Variants in CNTN5 observed in about 807,000 individuals in gnomAD.
CNTN5 encodes contactin-5.
Under a neutral mutation model 129.1 loss-of-function variants are expected in CNTN5, and 77 were observed. That is an observed-to-expected ratio of 0.60 (90% CI 0.50 to 0.72). The LOEUF (loss-of-function observed/expected upper bound fraction) is 0.72, where lower values mean the gene tolerates loss of function less well. Ranked by LOEUF, CNTN5 falls within the 30% of genes least tolerant of loss-of-function variation. CNTN5 has a pLI of 0.00. For synonymous variants in CNTN5, 509 were observed against 465.6 expected (o/e 1.09, Z -1.20); for missense variants, 1,478 against 1,328.8 (o/e 1.11, Z -1.75).
intron 1 of CNTN5, among the ~76,000 whole-genome samples, chr11:99,064,194 C>G (rs192942200): frequency 6.6e-6 from 1 of 152,096 alleles, no homozygotes. Context: ...CTCTCCACAA[C>G]CAAGTTACAT....
chr11:99,107,255 AACAT>A (rs370016306), intron 1 of CNTN5, among the ~76,000 whole-genome samples: 1 of 152,178 alleles, frequency 6.6e-6, no homozygotes, highest in Non-Finnish European at 1.5e-5. Flanking sequence ...AAAATAGTGG[AACAT>A]ACATACATAC....
intron 1 of CNTN5, among the ~76,000 whole-genome samples, chr11:99,117,488 G>A (rs143384435): frequency 2.0e-5 from 3 of 152,018 alleles, no homozygotes; most frequent in East Asian, 1.9e-4. Context: ...ACCTTCTTTT[G>A]TGCAATATTA....
At chr11:99,401,936 T>A (rs1325795947) in intron 2 of CNTN5, among the ~76,000 whole-genome samples, 2 of 152,214 alleles carry the variant, frequency 1.3e-5, no homozygotes, top group African/African-American at 4.8e-5. Context: ...GCAACTTTAC[T>A]GAATTTGTTT....
intron 16 of CNTN5, among the ~76,000 whole-genome samples, chr11:100,235,983 G>T (rs1445614739): frequency 6.6e-6 from 1 of 152,174 alleles, no homozygotes; most frequent in African/African-American, 2.4e-5. Flanking sequence ...TGTAAGAGCA[G>T]CTAGGTGATT....
chr11:100,144,719 C>A (rs906488588), intron 13 of CNTN5, among the ~76,000 whole-genome samples: 5 of 134,324 alleles, frequency 3.7e-5, no homozygotes, highest in African/African-American at 1.4e-4. Flanking sequence ...TTTTCTTCAG[C>A]CTATTGGAGT....
chr11:99,037,292 A>C (rs143838953), intron 1 of CNTN5, among the ~76,000 whole-genome samples: 2 of 152,288 alleles, frequency 1.3e-5, no homozygotes, highest in East Asian at 3.9e-4. Context: ...AATCTTTCAG[A>C]GACTCAAGCT....
At chr11:100,321,797 G>A (rs1170956460) in intron 21 of CNTN5, among the ~76,000 whole-genome samples, 1 of 152,054 alleles carries the variant, frequency 6.6e-6, no homozygotes, top group Non-Finnish European at 1.5e-5. Context: ...TGCATTTACT[G>A]AAATGATCAT....
intron 3 of CNTN5, among the ~76,000 whole-genome samples, chr11:99,775,608 C>A (rs1436481700): frequency 1.3e-5 from 2 of 151,896 alleles, no homozygotes; most frequent in Non-Finnish European, 2.9e-5. Context: ...TTATTTAAGG[C>A]ACTCATATTT....
intron 20 of CNTN5, among the ~76,000 whole-genome samples, chr11:100,306,785 A>G (rs1951359863): frequency 6.6e-6 from 1 of 151,722 alleles, no homozygotes; most frequent in South Asian, 2.1e-4. Flanking sequence ...ACAGATGCAC[A>G]AATAATAGGG....
intron 16 of CNTN5, among the ~76,000 whole-genome samples, chr11:100,236,436 T>G (rs1004174477): frequency 4.6e-5 from 7 of 152,184 alleles, no homozygotes; most frequent in Admixed American, 2.0e-4. Flanking sequence ...AAATTTTGAC[T>G]TGCAGAGATT....
chr11:99,099,501 A>G (rs1866621357), intron 1 of CNTN5, among the ~76,000 whole-genome samples: 1 of 152,002 alleles, frequency 6.6e-6, no homozygotes, highest in Non-Finnish European at 1.5e-5. Context: ...ACATAGTCAC[A>G]CTGTGTCACC....
chr11:100,090,207 A>G (rs1244802126), intron 13 of CNTN5, among the ~76,000 whole-genome samples: 1 of 152,058 alleles, frequency 6.6e-6, no homozygotes, highest in Non-Finnish European at 1.5e-5. Context: ...TCTCAAAACA[A>G]TAAGAGCCAT....
At chr11:100,038,511 G>C (rs1081356) in intron 9 of CNTN5, among the ~76,000 whole-genome samples, 2,108 of 152,184 alleles carry the variant, frequency 0.014, 54 homozygotes, top group African/African-American at 0.048. Context: ...GAGTTCAATT[G>C]CTGGGTATCC....
intron 18 of CNTN5, among the ~76,000 whole-genome samples, chr11:100,287,683 G>C (rs1280365977): frequency 1.3e-5 from 2 of 152,030 alleles, no homozygotes; most frequent in African/African-American, 2.4e-5. Flanking sequence ...TCGAGACTAG[G>C]AAGAAACTGC....
intron 3 of CNTN5, among the ~76,000 whole-genome samples, chr11:99,651,328 G>A (rs1952148424): frequency 6.6e-6 from 1 of 151,570 alleles, no homozygotes; most frequent in African/African-American, 2.4e-5. Context: ...TGCAGAAAGG[G>A]GAAAGAAGTT....
intron 8 of CNTN5, among the ~76,000 whole-genome samples, chr11:99,969,694 G>A (rs559719694): frequency 6.6e-6 from 1 of 152,082 alleles, no homozygotes; most frequent in Non-Finnish European, 1.5e-5. Context: ...CATCTTTCCT[G>A]GCAGTTTGTT....
intron 3 of CNTN5, among the ~76,000 whole-genome samples, chr11:99,718,703 G>GA (rs964220026): frequency 6.6e-6 from 1 of 151,962 alleles, no homozygotes; most frequent in Admixed American, 6.6e-5. Context: ...CAAGATGAGA[G>GA]AAAAAAATTT....
chr11:99,198,262 G>C (rs1859003103), intron 1 of CNTN5, among the ~76,000 whole-genome samples: 1 of 152,102 alleles, frequency 6.6e-6, no homozygotes, highest in African/African-American at 2.4e-5. Flanking sequence ...TGTCATATGG[G>C]AAGCTTTTAC....
intron 9 of CNTN5, among the ~76,000 whole-genome samples, chr11:100,032,842 A>G (rs1399650006): frequency 6.6e-6 from 1 of 152,190 alleles, no homozygotes; most frequent in Non-Finnish European, 1.5e-5. Context: ...AGTCTAATCT[A>G]CAAATAAGAA....
Sources: allele counts gnomAD v4.1 joint callset (sites outside exome capture counted in the v4.1 genomes callset), GRCh38; gene constraint gnomAD v4.1.1; transcripts MANE v1.5; gene names NCBI Gene and HGNC (gene_info 2026-07-23, HGNC 2026-07-21).